Variants in ANGEL1 observed in about 807,000 individuals in gnomAD.
ANGEL1 encodes the protein RNA 2',3'-cyclic phosphatase ANGEL1.
A neutral mutation model predicts 76.4 loss-of-function variants in ANGEL1; 62 were observed. The ratio of observed to expected loss-of-function variants is 0.81; its 90% CI spans 0.66 to 1.00. The LOEUF (loss-of-function observed/expected upper bound fraction) is 1.00. Ranked by LOEUF, ANGEL1 falls within the 50% of genes least tolerant of loss-of-function variation. The pLI is 0.00. For missense variants in ANGEL1, 737 were observed against 836.7 expected (o/e 0.88, Z 1.47); for synonymous variants, 340 against 331.7 (o/e 1.03, Z -0.27).
chr14:76,791,577 T>C (rs1378578794), intron 7 of ANGEL1, among the ~76,000 whole-genome samples: 1 of 152,074 alleles, frequency 6.6e-6, no homozygotes, highest in African/African-American at 2.4e-5. Context: ...AACACAGACA[T>C]TGTCTTCTGT....
Position 76,808,034 on chromosome 14 carries a change from T to A in ANGEL1, c.764A>T (p.Gln255Leu), listed in dbSNP as rs1268542719. Residue 255 changes from glutamine to leucine, a missense_variant, in exon 3 of 10, where the codon CAG (glutamine) becomes CTG (leucine). Transcript: ENST00000251089. ...CTCTGAGCTCTGCTGCATCAGGTCC[T>A]GAGCCAGGATGTTATAAGACATCAG... ...FTLMSYNILAQDLMQQSSELY... is the reference protein window; with the variant it reads ...FTLMSYNILALDLMQQSSELY... 2.5e-6 allele frequency: 4 copies of A among 1,614,092 alleles called. No homozygotes were observed. The highest frequency in any genetic ancestry group is 3.4e-6 in the Non-Finnish European group (4 of 1,180,044).
chr14:76,800,611 TG>T lies in ANGEL1; in HGVS notation c.1618+2759del, dbSNP rs533101923. ...TGTTGTTAGTTGAGTATAATATTCT[TG>T]AACTATATATCCTTTCCTAGAAACC... On this transcript the variant is annotated intron_variant, in intron 7 of 9. Transcript: ENST00000251089. Among the ~76,000 whole-genome samples, 83 of 152,364 alleles carry T rather than the reference TG, an allele frequency of 5.4e-4. 1 individual carries two copies. Among genetic ancestry groups the T allele is most frequent in the Admixed American group, 1.4e-3 (22 of 15,308 alleles).
intron 7 of ANGEL1, among the ~76,000 whole-genome samples, chr14:76,799,418 C>T (rs1042246396): frequency 3.3e-5 from 5 of 150,674 alleles, no homozygotes; most frequent in Non-Finnish European, 7.4e-5. Flanking sequence ...CTCAGCCTCC[C>T]GAGTAGCTGG....
intron 6 of ANGEL1, 29 bp from the exon 7 acceptor site, chr14:76,803,510 A>C: frequency 6.2e-7 from 1 of 1,608,586 alleles, no homozygotes; most frequent in Non-Finnish European, 8.5e-7. Flanking sequence ...CATATAGTGA[A>C]AGAAAGACGA....
rs137887239 is a variant in ANGEL1 at position 76,791,889 on chromosome 14, T to C, written c.1619-523A>G. 5.7e-3 allele frequency among the ~76,000 whole-genome samples: 872 copies of C among 152,108 alleles called. 5 individuals are homozygous for C. Among genetic ancestry groups the C allele is most frequent in the Non-Finnish European group, 9.6e-3 (652 of 68,004 alleles). On this transcript the variant is annotated intron_variant, in intron 7 of 9. Transcript: ENST00000251089. ...TAAGCACACACACACATACATATCA[T>C]ACACACGAATGTTAAAAAAGGAAGA...
In ANGEL1 at chr14:76,809,521, G is replaced by A. The variant is rs1895022457; in HGVS notation, c.187C>T (p.Gln63Ter). The A allele has an allele frequency of 2.5e-6, 4 of 1,614,210 alleles. No homozygotes were observed. The highest frequency in any genetic ancestry group is 3.4e-6 in the Non-Finnish European group (4 of 1,180,042). ...EQEECEGLLQ[Q>*]WREEGLSQVL... ...TGGCTCAACCCTTCTTCTCGCCACT[G>A]CTGCAGCAGGCCCTCACATTCCTCC... The change falls in exon 2 of 10, where the codon CAG becomes TAG. Residue 63 changes from glutamine (Q) to a stop codon, truncating the protein, a stop_gained. Coordinates refer to ENST00000251089, the MANE Select transcript of ANGEL1 (RefSeq NM_015305.4). LOFTEE classifies it high-confidence loss of function.
At chr14:76,799,147 A>C (rs1474487494) in intron 7 of ANGEL1, among the ~76,000 whole-genome samples, 3 of 152,044 alleles carry the variant, frequency 2.0e-5, no homozygotes, top group East Asian at 3.8e-4. Flanking sequence ...TTAAGTTGTC[A>C]TGGTTTGAAA....
rs1036226791 is a variant in ANGEL1, at chr14:76,803,793, C to T, written c.1500G>A (p.Lys500=). The T allele has an allele frequency of 2.5e-6, 4 of 1,612,554 alleles. No individual in the cohort carries two copies. The African/African-American group carries it at 5.3e-5, about 22-fold the overall frequency. The change falls in exon 6 of 10, where the codon AAG becomes AAA. Residue 500 remains lysine (K), a synonymous_variant. Transcript: ENST00000251089. The part of the protein sequence containing the change: ...CCQYVTSCHP[K]RSERRKYGRD... ...AATGTGACATGTGCTCACCTGATCT[C>T]TTGGGGTGACAGGAGGTGACATACT...
chr14:76,807,961 G>A lies in ANGEL1; in HGVS notation c.837C>T (p.Phe279=), dbSNP rs1039604283. 15 of 1,614,006 alleles carry A rather than the reference G, an allele frequency of 9.3e-6. No homozygotes were observed. Among genetic ancestry groups the A allele is most frequent in the East Asian group, 4.5e-5 (2 of 44,892 alleles). Residue 279 remains phenylalanine, a synonymous_variant, in exon 3 of 10, where the codon TTC becomes TTT. Coordinates refer to ENST00000251089, the MANE Select transcript of ANGEL1 (RefSeq NM_015305.4). ...GCTGGAATTCCTGCATGAGGTTCAC[G>A]AAGCGATAGTTCCAATTGAGGATGT... The part of the protein sequence containing the change: ...HPDILNWNYR[F]VNLMQEFQHW...
In ANGEL1 at chr14:76,803,500, CAT is replaced by C. The variant is rs765606601; in HGVS notation, c.1508-21_1508-20del. ...CGTCTCTCTGTAAACCAGGAAAAGA[CAT>C]ATAGTGAAAGAAAGACGATGAAGCC... On this transcript the variant is annotated intron_variant, in intron 6 of 9. Transcript: ENST00000251089. 56 of 1,611,864 alleles carry C rather than the reference CAT, an allele frequency of 3.5e-5. No homozygotes were observed. In the South Asian group the frequency reaches 6.2e-4, roughly 18 times the overall value.
At chr14:76,800,568 A>G (rs1894730534) in intron 7 of ANGEL1, among the ~76,000 whole-genome samples, 1 of 152,258 alleles carries the variant, frequency 6.6e-6, no homozygotes, top group Non-Finnish European at 1.5e-5. Context: ...TTACTCCTCT[A>G]GCAGTTTCTT....
At chr14:76,804,570 AAT>A (rs2140225507) in intron 5 of ANGEL1, 2 of 487,514 alleles carry the variant, frequency 4.1e-6, no homozygotes, top group Middle Eastern at 1.1e-3. Flanking sequence ...ATAGAGCAGC[AAT>A]AGACAGAATC....
chr14:76,796,558 C>T (rs1894584102), intron 7 of ANGEL1, among the ~76,000 whole-genome samples: 4 of 152,126 alleles, frequency 2.6e-5, no homozygotes, highest in Admixed American at 2.6e-4. Flanking sequence ...CCCAGCTTTT[C>T]ACTTTTAACT....
intron 7 of ANGEL1, among the ~76,000 whole-genome samples, chr14:76,798,586 T>A (rs1181023364): frequency 6.6e-6 from 1 of 152,224 alleles, no homozygotes; most frequent in Admixed American, 6.5e-5. Flanking sequence ...AAATCATTTA[T>A]AATAGAAATG....
chr14:76,806,711 TC>T lies in ANGEL1; in HGVS notation c.1084del (p.Asp362IlefsTer5). On this transcript the variant is annotated frameshift_variant, in exon 5 of 10. Coordinates refer to ENST00000251089, the MANE Select transcript of ANGEL1 (RefSeq NM_015305.4). LOFTEE classifies it high-confidence loss of function. ...FRPGLELLNR[D>X]NVGLVLLLQP... ...CAGTAGCAACACTAAGCCCACATTA[TC>T]CCGATTAAGTAGCTCCAAGCCAGGC... 1 of 1,613,166 alleles carries T rather than the reference TC, an allele frequency of 6.2e-7. No homozygotes were observed. The highest frequency in any genetic ancestry group is 8.5e-7 in the Non-Finnish European group (1 of 1,179,934).
At chr14:76,793,396 GGGAGAGGGGATAAAAGGAAAGA>G (rs1282619886) in intron 7 of ANGEL1, among the ~76,000 whole-genome samples, 1 of 59,166 alleles carries the variant, frequency 1.7e-5, no homozygotes, top group Non-Finnish European at 3.9e-5. Flanking sequence ...GGGAGAGGAG[GGGAGAGGGGATAAAAGGAAAGA>G]GGAGAGGGGA....
chr14:76,809,010 C>T, intron 2 of ANGEL1, 49 bp downstream of exon 2: 1 of 1,540,938 alleles, frequency 6.5e-7, no homozygotes, highest in Non-Finnish European at 8.8e-7. Context: ...TCTGCCCACA[C>T]CTGAGACACC....
rs757430284 is a variant in ANGEL1, at chr14:76,806,538, G to C, written c.1258C>G (p.Leu420Val). 4 of 1,614,224 alleles carry C rather than the reference G, an allele frequency of 2.5e-6. No homozygotes were observed. In the Admixed American group the frequency reaches 5.0e-5, roughly 20 times the overall value. ...ATGGGGCAGTGGCTGCCATCTGACA[G>C]TCTGGCCACCTTGTCCACTTCCGCC... ...LLAEVDKVAR[L>V]SDGSHCPIIL... Residue 420 changes from leucine to valine, a missense_variant, in exon 5 of 10, where the codon CTG (leucine) becomes GTG (valine). Transcript: ENST00000251089.
At chr14:76,812,168 A>C in intron 1 of ANGEL1, 79 of 882,766 alleles carry the variant, frequency 8.9e-5, no homozygotes, top group East Asian at 1.2e-4. Context: ...ATCTCCCTCT[A>C]AACCGCCGGG....
Sources: allele counts gnomAD v4.1 joint callset (sites outside exome capture counted in the v4.1 genomes callset), GRCh38; gene constraint gnomAD v4.1.1; transcripts MANE v1.5; gene names NCBI Gene and HGNC (gene_info 2026-07-23, HGNC 2026-07-21).